The following PTPRD variants were observed in gnomAD, a reference collection of about 807,000 sequenced individuals.
PTPRD encodes the protein protein tyrosine phosphatase receptor type D, also known as receptor-type tyrosine-protein phosphatase delta.
PTPRD carries 34 observed loss-of-function variants against 214.5 expected under a neutral mutation model. The observed-to-expected ratio is 0.16, with a 90% CI of 0.12 to 0.21. The LOEUF (loss-of-function observed/expected upper bound fraction) is 0.21. PTPRD is among the 10% of genes least tolerant of loss of function. The pLI, the probability that PTPRD is intolerant of heterozygous loss-of-function variation, is 1.00. For missense variants in PTPRD, 2,545 were observed against 2,398.7 expected, an observed-to-expected ratio of 1.06 and a Z score of -1.27; for synonymous variants, 1,128 against 845.7, an observed-to-expected ratio of 1.33 and a Z score of -5.79.
At chr9:10,522,174 T>C (rs866327536) in intron 2 of PTPRD, among the ~76,000 whole-genome samples, 1 of 152,150 alleles carries the variant, frequency 6.6e-6, no homozygotes, top group South Asian at 2.1e-4. Flanking sequence ...TGCTACTCCA[T>C]AGGCAGTGGA....
chr9:9,567,284 T>A (rs1187249134), intron 8 of PTPRD, among the ~76,000 whole-genome samples: 2 of 151,820 alleles, frequency 1.3e-5, no homozygotes, highest in East Asian at 3.9e-4. Flanking sequence ...GTGGGATTGT[T>A]GTGTTATTGA....
chr9:9,613,457 T>G (rs1487594656), intron 7 of PTPRD, among the ~76,000 whole-genome samples: 1 of 152,098 alleles, frequency 6.6e-6, no homozygotes, highest in Admixed American at 6.6e-5. Flanking sequence ...TTTTGCCATC[T>G]ACTTTTGATA....
At chr9:10,421,030 C>T (rs1217216709) in intron 2 of PTPRD, among the ~76,000 whole-genome samples, 7 of 151,558 alleles carry the variant, frequency 4.6e-5, no homozygotes, top group Non-Finnish European at 8.8e-5. Flanking sequence ...TTTCTTGGGC[C>T]ATACATAAAA....
chr9:8,900,878 G>T (rs941099535), intron 11 of PTPRD, among the ~76,000 whole-genome samples: 1 of 152,044 alleles, frequency 6.6e-6, no homozygotes, highest in African/African-American at 2.4e-5. Flanking sequence ...AATATTTTTG[G>T]CTTTGAAAGC....
At chr9:9,459,397 G>C (rs1025364545) in intron 8 of PTPRD, among the ~76,000 whole-genome samples, 2 of 152,074 alleles carry the variant, frequency 1.3e-5, no homozygotes, top group African/African-American at 4.8e-5. Context: ...TAAATTGGAA[G>C]AGAGAAAGTC....
At chr9:9,648,226 A>G (rs556522927) in intron 7 of PTPRD, among the ~76,000 whole-genome samples, 1 of 152,252 alleles carries the variant, frequency 6.6e-6, no homozygotes, top group African/African-American at 2.4e-5. Context: ...CCTATTAAAA[A>G]AAAAACACTA....
intron 5 of PTPRD, among the ~76,000 whole-genome samples, chr9:9,801,699 GAA>G (rs1304781618): frequency 6.6e-6 from 1 of 151,992 alleles, no homozygotes; most frequent in African/African-American, 2.4e-5. Context: ...TTCACTGTTG[GAA>G]ATTATTGGAG....
At chr9:8,584,251 A>G (rs947995565) in intron 14 of PTPRD, among the ~76,000 whole-genome samples, 10 of 152,202 alleles carry the variant, frequency 6.6e-5, no homozygotes, top group Admixed American at 6.5e-4. Context: ...ACCCAATCAT[A>G]AAAAGCATTT....
intron 8 of PTPRD, among the ~76,000 whole-genome samples, chr9:9,520,791 T>G (rs892438844): frequency 2.6e-5 from 4 of 152,164 alleles, no homozygotes; most frequent in Admixed American, 6.5e-5. Flanking sequence ...ACTGTGGGAT[T>G]TCATTAAAGC....
chr9:9,525,150 C>A (rs1033952117), intron 8 of PTPRD, among the ~76,000 whole-genome samples: 1 of 152,234 alleles, frequency 6.6e-6, no homozygotes, highest in Non-Finnish European at 1.5e-5. Context: ...AGCCACCGCC[C>A]GGTCGGGTAA....
chr9:9,559,020 C>T lies in PTPRD; in HGVS notation c.-237+15712G>A, dbSNP rs144385047. 3.4e-3 allele frequency among the ~76,000 whole-genome samples: 514 copies of T among 152,296 alleles called. 1 individual carries two copies. Among genetic ancestry groups the T allele is most frequent in the Admixed American group, 6.1e-3 (94 of 15,300 alleles). ...GCCCCACATCACTAAAGTGGATGTCCGCACGTTCCAGTCCGGGGGGGTAGC... is the reference window on the plus strand; with the variant it reads ...GCCCCACATCACTAAAGTGGATGTCTGCACGTTCCAGTCCGGGGGGGTAGC... On this transcript the variant is annotated intron_variant, in intron 8 of 45. Coordinates refer to ENST00000381196, the MANE Select transcript of PTPRD (RefSeq NM_002839.4).
At chr9:9,990,340 T>C (rs1267362403) in intron 4 of PTPRD, among the ~76,000 whole-genome samples, 1 of 152,208 alleles carries the variant, frequency 6.6e-6, no homozygotes, top group East Asian at 1.9e-4. Context: ...CTAAGTACAA[T>C]GTACGTTTGG....
intron 8 of PTPRD, among the ~76,000 whole-genome samples, chr9:9,474,908 T>A (rs2094911588): frequency 1.3e-5 from 2 of 152,160 alleles, no homozygotes; most frequent in Non-Finnish European, 2.9e-5. Context: ...TTTTTTCCAA[T>A]GTGGATACCC....
chr9:9,609,890 A>G (rs943563638), intron 7 of PTPRD, among the ~76,000 whole-genome samples: 2 of 152,302 alleles, frequency 1.3e-5, no homozygotes, highest in Non-Finnish European at 2.9e-5. Flanking sequence ...AAAGTAGATA[A>G]CTAATTTATA....
chr9:10,241,687 G>A (rs1470228791), intron 3 of PTPRD, among the ~76,000 whole-genome samples: 1 of 151,910 alleles, frequency 6.6e-6, no homozygotes, highest in African/African-American at 2.4e-5. Flanking sequence ...TGAAAACCAG[G>A]GTTGGTGGAG....
At chr9:10,008,081 A>G (rs1382855924) in intron 4 of PTPRD, among the ~76,000 whole-genome samples, 3 of 151,942 alleles carry the variant, frequency 2.0e-5, no homozygotes, top group Non-Finnish European at 2.9e-5. Flanking sequence ...TGGCATTTCC[A>G]ATTTGATAAA....
intron 2 of PTPRD, among the ~76,000 whole-genome samples, chr9:10,499,502 C>T (rs10113983): frequency 0.015 from 2,320 of 151,954 alleles, 51 homozygotes; most frequent in African/African-American, 0.053. Flanking sequence ...ACATTATTAA[C>T]TGTTTGTGAG....
chr9:9,580,358 T>C (rs2090349606), intron 7 of PTPRD, among the ~76,000 whole-genome samples: 1 of 152,082 alleles, frequency 6.6e-6, no homozygotes, highest in Non-Finnish European at 1.5e-5. Flanking sequence ...TTCTTTGTGT[T>C]CTTGCCAACA....
chr9:8,653,446 T>C (rs1223891850), intron 12 of PTPRD, among the ~76,000 whole-genome samples: 1 of 152,170 alleles, frequency 6.6e-6, no homozygotes, highest in Non-Finnish European at 1.5e-5. Context: ...CATCCTTCAC[T>C]ACCCATCCCA....
Sources: allele counts gnomAD v4.1 joint callset (sites outside exome capture counted in the v4.1 genomes callset), GRCh38; gene constraint gnomAD v4.1.1; transcripts MANE v1.5; gene names NCBI Gene and HGNC (gene_info 2026-07-23, HGNC 2026-07-21).